Variants in STAP1 observed in about 807,000 individuals in gnomAD.
The protein encoded by STAP1 is signal-transducing adaptor protein 1.
In STAP1, 30 loss-of-function variants were observed where a neutral mutation model predicts 37.8. The observed-to-expected ratio is 0.79, with a 90% CI of 0.59 to 1.08. The LOEUF (loss-of-function observed/expected upper bound fraction) is 1.08, where lower values mean the gene tolerates loss of function less well. Ranked by LOEUF, STAP1 falls within the 50% of genes least tolerant of loss-of-function variation. The pLI is 0.00. For missense variants in STAP1, 357 were observed against 349.4 expected (o/e 1.02, Z -0.17); for synonymous variants, 130 against 116.0 (o/e 1.12, Z -0.78).
chr4:67,563,156 G>A (rs940477277), intron 1 of STAP1, among the ~76,000 whole-genome samples: 4 of 152,186 alleles, frequency 2.6e-5, no homozygotes, highest in Admixed American at 2.0e-4. Flanking sequence ...GAAGTCAAGA[G>A]ATAAAAGTAT....
intron 4 of STAP1, among the ~76,000 whole-genome samples, chr4:67,578,288 G>T (rs766234845): frequency 6.6e-6 from 1 of 152,128 alleles, no homozygotes; most frequent in African/African-American, 2.4e-5. Flanking sequence ...AATTTAAAAG[G>T]ATATAAAAAC....
At chr4:67,558,974 A>G in intron 1 of STAP1, 45 bp downstream of exon 1, 1 of 1,514,458 alleles carries the variant, frequency 6.6e-7, no homozygotes, top group African/African-American at 1.4e-5. Flanking sequence ...TTCTGTTTTA[A>G]TTTAATATTT....
chr4:67,559,671 G>A (rs1012212134), intron 1 of STAP1, among the ~76,000 whole-genome samples: 1 of 151,918 alleles, frequency 6.6e-6, no homozygotes, highest in Non-Finnish European at 1.5e-5. Context: ...GCCCAAAATT[G>A]CCTGTTATTA....
Position 67,558,778 on chromosome 4 carries a change from G to T in STAP1, c.-32G>T, listed in dbSNP as rs770652491. 1 of 1,589,096 alleles carries T rather than the reference G, an allele frequency of 6.3e-7. No homozygotes were observed. ...AGGAAGATTTCATTTTGTTTGAGAC[G>T]AGAAACCAAACCACACACCAAAGAG... On this transcript the variant is annotated 5_prime_UTR_variant, in exon 1 of 9. Transcript: ENST00000265404.
Position 67,606,886 on chromosome 4 carries a change from T to C in STAP1, c.*529T>C, listed in dbSNP as rs354885. ...TTTTTGTTAATGGAAATAAATGTCT[T>C]CATTCCCATGTTTTTCCCTGGTGTC... On this transcript the variant is annotated 3_prime_UTR_variant, in exon 9 of 9. Coordinates refer to ENST00000265404, the MANE Select transcript of STAP1 (RefSeq NM_012108.4). 136,528 of 152,206 alleles carry C rather than the reference T, an allele frequency of 0.9. 61,792 individuals are homozygous for C. The highest frequency in any genetic ancestry group is 0.99 in the East Asian group (5,107 of 5,180). The allele number at this position is 152,206 out of a possible 1,614,324, so 9.4% of individuals were successfully genotyped here.
chr4:67,581,100 C>T (rs1407535746), intron 4 of STAP1, among the ~76,000 whole-genome samples: 1 of 152,190 alleles, frequency 6.6e-6, no homozygotes, highest in Non-Finnish European at 1.5e-5. Context: ...AGGGTAGGCA[C>T]TCTGTGCAGG....
At chr4:67,568,556 TTAAC>T (rs768905200) in intron 1 of STAP1, among the ~76,000 whole-genome samples, 5 of 152,328 alleles carry the variant, frequency 3.3e-5, no homozygotes, top group Admixed American at 6.5e-5. Flanking sequence ...AAATGGGAGT[TTAAC>T]TAGGTTATTT....
intron 7 of STAP1, among the ~76,000 whole-genome samples, chr4:67,591,702 C>A (rs1728122414): frequency 6.6e-6 from 1 of 152,132 alleles, no homozygotes; most frequent in Non-Finnish European, 1.5e-5. Flanking sequence ...CTCTGCTTCT[C>A]CAGGTCCATT....
intron 7 of STAP1, among the ~76,000 whole-genome samples, chr4:67,592,499 T>G (rs1728140880): frequency 6.6e-6 from 1 of 152,122 alleles, no homozygotes; most frequent in African/African-American, 2.4e-5. Flanking sequence ...ACAGCTAACT[T>G]AAGAAAAAAT....
intron 8 of STAP1, among the ~76,000 whole-genome samples, chr4:67,594,259 A>G (rs1439830311): frequency 6.6e-6 from 1 of 152,202 alleles, no homozygotes; most frequent in Non-Finnish European, 1.5e-5. Context: ...GGATAGTCTT[A>G]TTAATTAAAA....
At chr4:67,561,415 C>G (rs1401090849) in intron 1 of STAP1, among the ~76,000 whole-genome samples, 3 of 152,154 alleles carry the variant, frequency 2.0e-5, no homozygotes, top group Non-Finnish European at 4.4e-5. Context: ...AAAAATATAA[C>G]TGAAGAGTAA....
chr4:67,604,416 T>C (rs354882), intron 8 of STAP1, among the ~76,000 whole-genome samples: 132,218 of 152,200 alleles, frequency 0.87, 58,606 homozygotes, highest in East Asian at 0.99. Context: ...CCTGTGGTGG[T>C]GGGGGCTGAT....
intron 1 of STAP1, among the ~76,000 whole-genome samples, chr4:67,561,753 T>C (rs1354111382): frequency 2.0e-5 from 3 of 152,122 alleles, no homozygotes; most frequent in Admixed American, 2.0e-4. Flanking sequence ...ATTTCTCATT[T>C]TTTCTGGGAC....
intron 8 of STAP1, among the ~76,000 whole-genome samples, chr4:67,595,372 CAA>C (rs34185676): frequency 0.019 from 1,672 of 87,716 alleles, 27 homozygotes; most frequent in East Asian, 0.053. Context: ...TTCGTTTCTA[CAA>C]AAAAAAAAAA....
chr4:67,578,024 A>G (rs1055453015), intron 4 of STAP1, among the ~76,000 whole-genome samples: 3 of 152,212 alleles, frequency 2.0e-5, no homozygotes, highest in Non-Finnish European at 2.9e-5. Context: ...TAACATAGAC[A>G]ATGTAACAGG....
chr4:67,599,269 T>C (rs1250893482), intron 8 of STAP1, among the ~76,000 whole-genome samples: 2 of 152,204 alleles, frequency 1.3e-5, no homozygotes, highest in African/African-American at 2.4e-5. Flanking sequence ...TTTTGAATCA[T>C]CTTAGTAGGA....
In STAP1 at chr4:67,582,908, A is replaced by G. The variant is rs139418654; in HGVS notation, c.531-666A>G. On this transcript the variant is annotated intron_variant, in intron 5 of 8. Transcript: ENST00000265404. ...ATAGGCTAATGTAAGTGTTCTAAGC[A>G]TTTTTAAGGTAGGCTAGGCTAAGCT... is the stretch of plus-strand genomic sequence containing the variant. Among the ~76,000 whole-genome samples, 561 of 152,270 alleles carry G rather than the reference A, an allele frequency of 3.7e-3. 6 individuals carry two copies. Among genetic ancestry groups the G allele is most frequent in the African/African-American group, 0.013 (539 of 41,554 alleles).
intron 1 of STAP1, among the ~76,000 whole-genome samples, chr4:67,562,235 G>C (rs1168653759): frequency 2.0e-5 from 3 of 151,050 alleles, no homozygotes; most frequent in Non-Finnish European, 4.4e-5. Context: ...CCAGCTATTC[G>C]GAAGGCTGAG....
At chr4:67,604,981 T>C (rs937508601) in intron 8 of STAP1, among the ~76,000 whole-genome samples, 3 of 152,212 alleles carry the variant, frequency 2.0e-5, no homozygotes, top group Non-Finnish European at 4.4e-5. Flanking sequence ...GTTCTGTGCA[T>C]GCACAATTCA....
Sources: allele counts gnomAD v4.1 joint callset (sites outside exome capture counted in the v4.1 genomes callset), GRCh38; gene constraint gnomAD v4.1.1; transcripts MANE v1.5; gene names NCBI Gene and HGNC (gene_info 2026-07-23, HGNC 2026-07-21).